Variants in XKR3 observed in about 807,000 individuals in gnomAD.
XKR3 encodes XK related 3, also known as XK-related protein 3.
Under a neutral mutation model 40.3 loss-of-function variants are expected in XKR3, and 27 were observed. The ratio of observed to expected loss-of-function variants is 0.67; its 90% CI spans 0.49 to 0.92. The LOEUF is 0.92. XKR3 is among the 40% of genes least tolerant of loss of function. The pLI is 0.00. For synonymous variants in XKR3, 193 were observed against 195.4 expected, an observed-to-expected ratio of 0.99 and a Z score of 0.10; for missense variants, 472 against 537.6, an observed-to-expected ratio of 0.88 and a Z score of 1.21.
At chr22:16,789,216 G>T (rs1012227358) in intron 3 of XKR3, among the ~76,000 whole-genome samples, 2 of 151,738 alleles carry the variant, frequency 1.3e-5, no homozygotes, top group Non-Finnish European at 2.9e-5. Context: ...TGGAAAGAAA[G>T]AAGTAAAATT....
Position 16,808,908 on chromosome 22 carries a change from T to G in XKR3, c.-10-825A>C, listed in dbSNP as rs181385142. 3.4e-3 allele frequency among the ~76,000 whole-genome samples: 514 copies of G among 152,068 alleles called. 3 individuals carry two copies. The highest frequency in any genetic ancestry group is 0.019 in the East Asian group (99 of 5,182). On this transcript the variant is annotated intron_variant, in intron 1 of 3. Transcript: ENST00000684488. Reference sequence around the variant, plus strand: ...AAATTGTTTTAGAGAAATATTTTTCTGACTAAAAATGCTGTTAATATATTG... The same window carrying G: ...AAATTGTTTTAGAGAAATATTTTTCGGACTAAAAATGCTGTTAATATATTG...
At chr22:16,810,697 A>G (rs1376866296) in intron 1 of XKR3, among the ~76,000 whole-genome samples, 2 of 152,236 alleles carry the variant, frequency 1.3e-5, no homozygotes, top group Non-Finnish European at 2.9e-5. Flanking sequence ...TTAAAAAGAA[A>G]CTACCCATTA....
At chr22:16,819,244 T>C (rs771310569) in intron 1 of XKR3, among the ~76,000 whole-genome samples, 17 of 152,224 alleles carry the variant, frequency 1.1e-4, no homozygotes, top group Non-Finnish European at 1.6e-4. Context: ...GCAATTCCTA[T>C]CAAAATCTCA....
chr22:16,792,917 C>T (rs1027732895), intron 3 of XKR3, among the ~76,000 whole-genome samples: 2 of 152,216 alleles, frequency 1.3e-5, no homozygotes, highest in African/African-American at 2.4e-5. Flanking sequence ...AATCAACATG[C>T]GTCTGGTTCA....
At chr22:16,791,691 G>C (rs1190776405) in intron 3 of XKR3, among the ~76,000 whole-genome samples, 2 of 145,710 alleles carry the variant, frequency 1.4e-5, no homozygotes, top group Non-Finnish European at 3.0e-5. Flanking sequence ...AAAAAATAGA[G>C]AAAGAAAGGA....
At chr22:16,811,318 G>T (rs1396304259) in intron 1 of XKR3, among the ~76,000 whole-genome samples, 1 of 151,836 alleles carries the variant, frequency 6.6e-6, no homozygotes, top group African/African-American at 2.4e-5. Flanking sequence ...TAGAGATGGG[G>T]TTTTGCCATG....
At chr22:16,786,256 G>GCGCGCACACACACACACACACACACA (rs1555895915) in intron 3 of XKR3, among the ~76,000 whole-genome samples, 3 of 148,596 alleles carry the variant, frequency 2.0e-5, no homozygotes, top group African/African-American at 7.5e-5. Flanking sequence ...CAAAACGCGT[G>GCGCGCACACACACACACACACACACA]CACACACACA....
At chr22:16,798,059 A>G (rs1283286268) in intron 3 of XKR3, among the ~76,000 whole-genome samples, 1 of 151,720 alleles carries the variant, frequency 6.6e-6, no homozygotes, top group African/African-American at 2.4e-5. Flanking sequence ...ACATGCCTGT[A>G]ATCACAGGTA....
intron 1 of XKR3, among the ~76,000 whole-genome samples, chr22:16,814,336 G>A (rs1269935066): frequency 6.6e-6 from 1 of 152,048 alleles, no homozygotes; most frequent in Non-Finnish European, 1.5e-5. Context: ...GCACACAGGT[G>A]GGAAGGCTTC....
At chr22:16,819,942 T>C (rs1303707778) in intron 1 of XKR3, among the ~76,000 whole-genome samples, 1 of 152,156 alleles carries the variant, frequency 6.6e-6, no homozygotes, top group East Asian at 1.9e-4. Flanking sequence ...GATATAAGCA[T>C]GGGAAATAAA....
In XKR3 at chr22:16,796,746, C is replaced by T. The variant is rs1197241881; in HGVS notation, c.589+3025G>A. Among the ~76,000 whole-genome samples, 26 of 152,094 alleles carry T rather than the reference C, an allele frequency of 1.7e-4. 1 individual carries two copies. Among genetic ancestry groups the T allele is most frequent in the Admixed American group, 8.5e-4 (13 of 15,266 alleles). On this transcript the variant is annotated intron_variant, in intron 3 of 3. Coordinates refer to ENST00000684488, the MANE Select transcript of XKR3 (RefSeq NM_001386955.1). ...CAACATCATACTGAATGGGCAGAAG[C>T]GCAAATTATTTAATGCTATCCCTGT...
intron 3 of XKR3, among the ~76,000 whole-genome samples, chr22:16,792,288 C>A (rs16981694): frequency 0.047 from 7,194 of 152,162 alleles, 430 homozygotes; most frequent in African/African-American, 0.14. Flanking sequence ...AGGTGTCCGT[C>A]TACATTTTGT....
In XKR3 at chr22:16,783,628, T is replaced by A. The variant is rs2060075133; in HGVS notation, c.1371A>T (p.Thr457=). The change falls in exon 4 of 4, where the codon ACA becomes ACT. Residue 457 remains threonine, a synonymous_variant. Coordinates refer to ENST00000684488, the MANE Select transcript of XKR3 (RefSeq NM_001386955.1). ...VGYFSIRKSM[T]CS is the part of the protein sequence containing the mutation. ...AGTATATATGTATATTTTATGAACATGTCATACTTTTTCTGATTGAAAAAT... is the reference window on the plus strand; with the variant it reads ...AGTATATATGTATATTTTATGAACAAGTCATACTTTTTCTGATTGAAAAAT... 2 of 1,584,920 alleles carry A rather than the reference T, an allele frequency of 1.3e-6. No individual in the cohort carries two copies. The highest frequency in any genetic ancestry group is 4.5e-5 in the East Asian group (2 of 44,786).
intron 3 of XKR3, among the ~76,000 whole-genome samples, chr22:16,785,045 C>T (rs1409079604): frequency 1.3e-5 from 2 of 152,144 alleles, no homozygotes; most frequent in African/African-American, 4.8e-5. Context: ...TGGCCGGGCG[C>T]GGTGGCTCAC....
chr22:16,823,961 G>C (rs1428080988), intron 1 of XKR3, among the ~76,000 whole-genome samples: 1 of 151,970 alleles, frequency 6.6e-6, no homozygotes, highest in Non-Finnish European at 1.5e-5. Context: ...TTAATGATGA[G>C]AACTAATTCT....
chr22:16,796,660 A>G (rs2060142273), intron 3 of XKR3, among the ~76,000 whole-genome samples: 1 of 152,208 alleles, frequency 6.6e-6, no homozygotes, highest in African/African-American at 2.4e-5. Flanking sequence ...TAAACTCAAC[A>G]CATTAAGCAT....
chr22:16,803,142 T>C (rs1440198633), intron 2 of XKR3, among the ~76,000 whole-genome samples: 1 of 152,180 alleles, frequency 6.6e-6, no homozygotes, highest in African/African-American at 2.4e-5. Flanking sequence ...ACAATCATTA[T>C]GTTTTCATAA....
At chr22:16,790,297 C>T (rs1215110230) in intron 3 of XKR3, among the ~76,000 whole-genome samples, 1 of 141,138 alleles carries the variant, frequency 7.1e-6, no homozygotes, top group Non-Finnish European at 1.5e-5. Flanking sequence ...AACAAAACCA[C>T]CAACAGACAA....
Position 16,783,831 on chromosome 22 carries a change from T to G in XKR3, c.1168A>C (p.Thr390Pro), listed in dbSNP as rs2146134795. 5.0e-6 allele frequency: 8 copies of G among 1,614,200 alleles called. No individual in the cohort carries two copies. In the East Asian group the frequency reaches 1.8e-4, roughly 36 times the overall value. Reference protein sequence around the residue: ...VQLIISYLLATGFMLLFYQYL... With the variant: ...VQLIISYLLAPGFMLLFYQYL... ...TGATAGAAGAGGAGCATAAAGCCAG[T>G]GGCCAATAGGTAGCTTATGATGAGC... Residue 390 changes from threonine to proline, a missense_variant, in exon 4 of 4, where the codon ACT becomes CCT. Coordinates refer to ENST00000684488, the MANE Select transcript of XKR3 (RefSeq NM_001386955.1).
Sources: allele counts gnomAD v4.1 joint callset (sites outside exome capture counted in the v4.1 genomes callset), GRCh38; gene constraint gnomAD v4.1.1; transcripts MANE v1.5; gene names NCBI Gene and HGNC (gene_info 2026-07-23, HGNC 2026-07-21).